Variants in MARCHF1 observed in about 807,000 individuals in gnomAD.
The protein encoded by MARCHF1 is E3 ubiquitin-protein ligase MARCHF1.
MARCHF1 carries 40 observed loss-of-function variants against 54.2 expected under a neutral mutation model. The observed-to-expected ratio is 0.74, with a 90% confidence interval of 0.57 to 0.96. MARCHF1 has a LOEUF of 0.96. Ranked by LOEUF, MARCHF1 falls within the 40% of genes least tolerant of loss-of-function variation. MARCHF1 has a pLI of 0.00. For missense variants in MARCHF1, 586 were observed against 656.5 expected, an observed-to-expected ratio of 0.89 and a Z score of 1.17; for synonymous variants, 236 against 236.3, an observed-to-expected ratio of 1.00 and a Z score of 0.01.
Position 164,130,432 on chromosome 4 carries a change from T to A in MARCHF1, c.-322-18770A>T, listed in dbSNP as rs368489567. Among the ~76,000 whole-genome samples the A allele has an allele frequency of 1.6e-4, 24 of 152,298 alleles. No homozygotes were observed. In the East Asian group the frequency reaches 2.7e-3, roughly 17 times the overall value. On this transcript the variant is annotated intron_variant, in intron 1 of 9. Transcript: ENST00000514618. ...AGAAAGCAGTTTACTGTTCCCTTTTTCACTCCTCAAGATTCTAACAATTTC... is the reference window on the plus strand; with the variant it reads ...AGAAAGCAGTTTACTGTTCCCTTTTACACTCCTCAAGATTCTAACAATTTC...
intron 2 of MARCHF1, among the ~76,000 whole-genome samples, chr4:164,017,836 C>CCA (rs71600659): frequency 1.4e-5 from 2 of 138,088 alleles, no homozygotes; most frequent in Non-Finnish European, 3.1e-5. Context: ...CCTAAATTAG[C>CCA]AAAAAAAAAA....
chr4:163,905,869 G>C (rs1323295058), intron 3 of MARCHF1, among the ~76,000 whole-genome samples: 2 of 151,982 alleles, frequency 1.3e-5, no homozygotes, highest in Non-Finnish European at 2.9e-5. Context: ...ATGTATTCCA[G>C]TCATACAGTC....
At chr4:163,787,078 CA>C (rs1468867950) in intron 4 of MARCHF1, among the ~76,000 whole-genome samples, 5 of 151,718 alleles carry the variant, frequency 3.3e-5, no homozygotes, top group Non-Finnish European at 5.9e-5. Context: ...CAAAAATTAA[CA>C]AACTGGTTAA....
intron 5 of MARCHF1, among the ~76,000 whole-genome samples, chr4:163,684,319 C>T (rs1744201761): frequency 6.6e-6 from 1 of 152,126 alleles, no homozygotes. Context: ...GAAATATCAA[C>T]TGGAATATAT....
At chr4:163,631,421 G>C (rs1742076962) in intron 5 of MARCHF1, among the ~76,000 whole-genome samples, 1 of 152,160 alleles carries the variant, frequency 6.6e-6, no homozygotes, top group Non-Finnish European at 1.5e-5. Context: ...TTGAATTCCT[G>C]ACTTCAGGTG....
chr4:164,021,079 C>CTTT (rs58872172), intron 2 of MARCHF1, among the ~76,000 whole-genome samples: 2 of 141,686 alleles, frequency 1.4e-5, no homozygotes, highest in Admixed American at 7.0e-5. Flanking sequence ...ATTTCTGTCC[C>CTTT]TTTTTTTTTT....
At chr4:163,637,130 A>G (rs1430550498) in intron 5 of MARCHF1, among the ~76,000 whole-genome samples, 4 of 151,776 alleles carry the variant, frequency 2.6e-5, no homozygotes, top group Admixed American at 2.6e-4. Flanking sequence ...TTAGACCTAA[A>G]ACCATAAAAA....
rs570376650 is a variant in MARCHF1 at position 163,837,376 on chromosome 4, CAAAT to C, written c.111+16641_111+16644del. Among the ~76,000 whole-genome samples the C allele has an allele frequency of 3.3e-3, 508 of 152,176 alleles. 4 individuals are homozygous for C. The highest frequency in any genetic ancestry group is 0.011 in the African/African-American group (457 of 41,532). On this transcript the variant is annotated intron_variant, in intron 4 of 9. Coordinates refer to ENST00000514618, the MANE Select transcript of MARCHF1 (RefSeq NM_001394959.1). ...AATATTAAAAGTCATTATATAAACT[CAAAT>C]AAAAGGCAAATATTTTCAGTGCTAA...
At chr4:163,551,860 G>A (rs1412668580) in intron 8 of MARCHF1, among the ~76,000 whole-genome samples, 1 of 152,058 alleles carries the variant, frequency 6.6e-6, no homozygotes. Context: ...ATGATTGTGA[G>A]ACCTCCCCAG....
intron 1 of MARCHF1, among the ~76,000 whole-genome samples, chr4:164,129,829 A>T (rs540716139): frequency 6.6e-6 from 1 of 152,196 alleles, no homozygotes; most frequent in East Asian, 1.9e-4. Flanking sequence ...TAGCTAATGG[A>T]TCCTGGGCTT....
intron 1 of MARCHF1, among the ~76,000 whole-genome samples, chr4:164,209,398 G>A (rs375729643): frequency 1.2e-4 from 19 of 152,218 alleles, no homozygotes; most frequent in East Asian, 1.2e-3. Context: ...GCCCAGGGCT[G>A]GAATCTTCTC....
chr4:163,767,861 A>C (rs1340080266), intron 4 of MARCHF1, among the ~76,000 whole-genome samples: 1 of 152,164 alleles, frequency 6.6e-6, no homozygotes, highest in Admixed American at 6.5e-5. Context: ...TTTTCTGCAC[A>C]TTTATAATTT....
Position 163,934,770 on chromosome 4 carries a change from G to A in MARCHF1, c.-39+53731C>T, listed in dbSNP as rs201737347. 4.0e-5 allele frequency among the ~76,000 whole-genome samples: 5 copies of A among 125,810 alleles called. No homozygotes were observed. In the South Asian group the frequency reaches 1.1e-3, roughly 29 times the overall value. The allele number at this position is 125,810 out of a possible 152,430, so 82.5% of individuals were successfully genotyped here. On this transcript the variant is annotated intron_variant, in intron 3 of 9. Coordinates refer to ENST00000514618, the MANE Select transcript of MARCHF1 (RefSeq NM_001394959.1). ...AAAGTCATCTATTAGGACTGAAGTTGACTAACTTCAGTCAAGTTAGTCAAC... is the reference window on the plus strand; with the variant it reads ...AAAGTCATCTATTAGGACTGAAGTTAACTAACTTCAGTCAAGTTAGTCAAC...
chr4:164,049,374 T>C (rs6419308), intron 2 of MARCHF1, among the ~76,000 whole-genome samples: 38,502 of 152,088 alleles, frequency 0.25, 6,538 homozygotes, highest in East Asian at 0.48. Context: ...AGATGAGATT[T>C]GGGTGGGGAC....
At chr4:164,084,298 T>C (rs1755154034) in intron 2 of MARCHF1, among the ~76,000 whole-genome samples, 1 of 151,880 alleles carries the variant, frequency 6.6e-6, no homozygotes, top group Non-Finnish European at 1.5e-5. Context: ...AACCATAGAT[T>C]ATTGTTTATT....
At chr4:163,805,163 G>C (rs906508785) in intron 4 of MARCHF1, among the ~76,000 whole-genome samples, 3 of 151,894 alleles carry the variant, frequency 2.0e-5, no homozygotes, top group African/African-American at 7.3e-5. Context: ...TATTGATATT[G>C]ATTAGAATTA....
At chr4:163,722,942 G>C (rs1745525873) in intron 4 of MARCHF1, among the ~76,000 whole-genome samples, 1 of 152,164 alleles carries the variant, frequency 6.6e-6, no homozygotes, top group Admixed American at 6.5e-5. Context: ...TGGGTTTCCT[G>C]AATAAAGCAC....
intron 1 of MARCHF1, among the ~76,000 whole-genome samples, chr4:164,302,274 T>A (rs1734581126): frequency 6.6e-6 from 1 of 152,178 alleles, no homozygotes; most frequent in South Asian, 2.1e-4. Context: ...TATGGGCTAT[T>A]TTTTATACCT....
chr4:164,087,803 C>CCG (rs1324317300), intron 2 of MARCHF1, among the ~76,000 whole-genome samples: 7 of 61,376 alleles, frequency 1.1e-4, no homozygotes, highest in African/African-American at 3.6e-4. Flanking sequence ...TAGCTTTTTT[C>CCG]TGTGTTTTTT....
Sources: allele counts gnomAD v4.1 joint callset (sites outside exome capture counted in the v4.1 genomes callset), GRCh38; gene constraint gnomAD v4.1.1; transcripts MANE v1.5; gene names NCBI Gene and HGNC (gene_info 2026-07-23, HGNC 2026-07-21).